Variants in LRP2 observed in about 807,000 individuals in gnomAD.
The protein encoded by LRP2 is LDL receptor related protein 2.
Under a neutral mutation model 531.0 loss-of-function variants are expected in LRP2, and 172 were observed. That is an observed-to-expected ratio of 0.32 (90% CI 0.29 to 0.37). The LOEUF (loss-of-function observed/expected upper bound fraction) is 0.37, where lower values mean the gene tolerates loss of function less well. Ranked by LOEUF, LRP2 falls within the 10% of genes least tolerant of loss-of-function variation. The pLI, the probability that LRP2 is intolerant of heterozygous loss-of-function variation, is 1.00. For synonymous variants in LRP2, 1,992 were observed against 2,027.6 expected (o/e 0.98, Z 0.47); for missense variants, 5,167 against 5,868.3 (o/e 0.88, Z 3.90).
At chr2:169,154,412 C>T (rs980911656) in intron 66 of LRP2, 48 bp downstream of exon 66, 1 of 1,563,996 alleles carries the variant, frequency 6.4e-7, no homozygotes, top group Non-Finnish European at 8.8e-7. Flanking sequence ...CCTTAAAATT[C>T]TATAAAGTCA....
intron 67 of LRP2, among the ~76,000 whole-genome samples, chr2:169,151,736 G>A (rs1482525066): frequency 1.3e-5 from 2 of 152,100 alleles, no homozygotes; most frequent in African/African-American, 4.8e-5. Flanking sequence ...CAAACAAGAA[G>A]ACAGATCTGC....
At chr2:169,313,182 CCGAT>C (rs1351605195) in intron 3 of LRP2, among the ~76,000 whole-genome samples, 1 of 151,730 alleles carries the variant, frequency 6.6e-6, no homozygotes, top group East Asian at 1.9e-4. Context: ...TTTGTTATTA[CCGAT>C]CGTCTGAAGC....
intron 1 of LRP2, among the ~76,000 whole-genome samples, chr2:169,332,930 T>G (rs577680115): frequency 6.6e-6 from 1 of 152,318 alleles, no homozygotes; most frequent in African/African-American, 2.4e-5. Flanking sequence ...ATAACTGAGT[T>G]GCACACACAG....
intron 6 of LRP2, among the ~76,000 whole-genome samples, chr2:169,293,402 G>C (rs1006248349): frequency 6.6e-6 from 1 of 152,168 alleles, no homozygotes; most frequent in East Asian, 1.9e-4. Flanking sequence ...CAGGCTGGGC[G>C]TGGTGGCTCA....
Position 169,201,752 on chromosome 2 carries a change from C to G in LRP2, c.8328G>C (p.Leu2776=), listed in dbSNP as rs776186749. The stretch of plus-strand genomic sequence containing the variant: ...CCGTGGTGGCATTGCAGTCCCTGAA[C>G]AGGCACCCTGCCTCATCACTGCCAT... ...CGDGSDEAGC[L]FRDCNATTEF... The change falls in exon 44 of 79, where the codon CTG becomes CTC. Residue 2776 remains leucine (L), a synonymous_variant. Coordinates refer to ENST00000649046, the MANE Select transcript of LRP2 (RefSeq NM_004525.3). 1.2e-6 allele frequency: 2 copies of G among 1,614,194 alleles called. No homozygotes were observed. The highest frequency in any genetic ancestry group is 1.7e-6 in the Non-Finnish European group (2 of 1,180,028).
In LRP2 at chr2:169,206,015, TG is replaced by T. The variant is rs1275121514; in HGVS notation, c.7556+7del. 1 of 1,614,238 alleles carries T rather than the reference TG, an allele frequency of 6.2e-7. No homozygotes were observed. Among genetic ancestry groups the T allele is most frequent in the Admixed American group, 1.7e-5 (1 of 60,030 alleles). On this transcript the variant is annotated splice_region_variant and intron_variant, in intron 40 of 78. Transcript: ENST00000649046. ...GACAGAAATATAACAAGGAAGATGA[TG>T]GCATACCCTTGGCAGGGATCTAACA...
rs79723119 is a variant in LRP2, at chr2:169,157,394, A to C, written c.11996T>G (p.Val3999Gly). Reference protein sequence around the residue: ...CSCTAGFETNVFDRTSCLDIN... With the variant: ...CSCTAGFETNGFDRTSCLDIN... Reference sequence around the variant, plus strand: ...ACCTAGACAGGAGGTTCTGTCAAAAACATTGGTTTCGAACCCAGCTGTACA... The same window carrying C: ...ACCTAGACAGGAGGTTCTGTCAAAACCATTGGTTTCGAACCCAGCTGTACA... The change falls in exon 64 of 79, where the codon GTT (valine) becomes GGT (glycine). Residue 3999 changes from valine (V) to glycine (G), a missense_variant. Physicochemically the swap from Val to Gly is moderately radical, Grantham distance 109. Around this residue, in one of 6 missense-constraint regions of LRP2, gnomAD observed 564 missense variants for 747.7 expected, o/e 0.75. Transcript: ENST00000649046. 18,107 of 1,613,220 alleles carry C rather than the reference A, an allele frequency of 0.011. 108 individuals carry two copies. Among genetic ancestry groups the C allele is most frequent in the Non-Finnish European group, 0.013 (15,642 of 1,179,414 alleles).
At chr2:169,158,001 G>A (rs1465176434) in intron 63 of LRP2, among the ~76,000 whole-genome samples, 1 of 147,912 alleles carries the variant, frequency 6.8e-6, no homozygotes, top group Non-Finnish European at 1.5e-5. Context: ...TTACAAATAG[G>A]AGGAAATTAT....
chr2:169,225,303 T>A lies in LRP2; in HGVS notation c.5538+7A>T, dbSNP rs748190255. 7 of 1,613,304 alleles carry A rather than the reference T, an allele frequency of 4.3e-6. No homozygotes were observed. Among genetic ancestry groups the A allele is most frequent in the Non-Finnish European group, 5.9e-6 (7 of 1,179,470 alleles). The stretch of plus-strand genomic sequence containing the variant: ...TGTTTGTGTAAGTAGTATTATGGAA[T>A]CATTACCTCGATTGACTGAGTTCTA... On this transcript the variant is annotated splice_region_variant and intron_variant, in intron 33 of 78. Coordinates refer to ENST00000649046, the MANE Select transcript of LRP2 (RefSeq NM_004525.3).
At chr2:169,282,605 G>A (rs1683737036) in intron 10 of LRP2, among the ~76,000 whole-genome samples, 1 of 152,216 alleles carries the variant, frequency 6.6e-6, no homozygotes. Flanking sequence ...AAAGGTGGGT[G>A]ACATGATAGC....
At chr2:169,284,941 G>A (rs1683812444) in intron 9 of LRP2, among the ~76,000 whole-genome samples, 1 of 152,172 alleles carries the variant, frequency 6.6e-6, no homozygotes, top group African/African-American at 2.4e-5. Flanking sequence ...GAAACCAAAG[G>A]TGGAGAAGTC....
chr2:169,225,534 G>A (rs1689172346), intron 32 of LRP2, 81 bp from the exon 33 acceptor site: 2 of 1,489,404 alleles, frequency 1.3e-6, no homozygotes, highest in Non-Finnish European at 1.9e-6. Flanking sequence ...TGTGGCTACT[G>A]CCAGCTGCTG....
chr2:169,293,051 C>T (rs1684041511), intron 6 of LRP2, among the ~76,000 whole-genome samples: 1 of 151,958 alleles, frequency 6.6e-6, no homozygotes, highest in South Asian at 2.1e-4. Context: ...TGAAATAAGC[C>T]CAGGTTCCAG....
At chr2:169,285,542 T>C (rs1412914297) in intron 9 of LRP2, among the ~76,000 whole-genome samples, 1 of 152,180 alleles carries the variant, frequency 6.6e-6, no homozygotes, top group African/African-American at 2.4e-5. Context: ...TCTATTTTTC[T>C]TTCCTTTTTA....
intron 15 of LRP2, among the ~76,000 whole-genome samples, chr2:169,271,945 A>G (rs1683429149): frequency 6.6e-6 from 1 of 152,146 alleles, no homozygotes; most frequent in Non-Finnish European, 1.5e-5. Flanking sequence ...AAGATGAAGG[A>G]GGTATGCCCA....
At chr2:169,176,349 T>G in intron 54 of LRP2, 62 bp downstream of exon 54, 1 of 1,600,104 alleles carries the variant, frequency 6.2e-7, no homozygotes, top group Non-Finnish European at 8.6e-7. Flanking sequence ...CTTGGAGCCT[T>G]GAAGGTCAAT....
chr2:169,303,048 A>G (rs1332983038), intron 4 of LRP2, among the ~76,000 whole-genome samples: 1 of 152,108 alleles, frequency 6.6e-6, no homozygotes, highest in African/African-American at 2.4e-5. Context: ...GAATTATACA[A>G]TGTCTAAGAA....
At position 169,193,890 on chromosome 2, in the gene LRP2, G is replaced by A. The variant is rs1321855185; in HGVS notation, c.8701C>T (p.His2901Tyr). 6 of 1,614,128 alleles carry A rather than the reference G, an allele frequency of 3.7e-6. No individual in the cohort carries two copies. Among genetic ancestry groups the A allele is most frequent in the Non-Finnish European group, 5.1e-6 (6 of 1,180,006 alleles). The part of the protein sequence containing the change: ...DASDEPASCG[H>Y]SERTCLADEF... ...TCAGCTAGGCATGTTCGCTCAGAGT[G>A]ACCTGAAAAGATCAATAGCATTCTC... The change falls in exon 47 of 79, where the codon CAC becomes TAC. Residue 2901 changes from histidine to tyrosine, a missense_variant and splice_region_variant. Physicochemically the swap from His to Tyr is moderately conservative, Grantham distance 83. Around this residue, in one of 6 missense-constraint regions of LRP2, gnomAD observed 1,129 missense variants for 1,362.7 expected, o/e 0.83. Transcript: ENST00000649046.
At chr2:169,158,061 TACACACACACAC>T (rs61381788) in intron 63 of LRP2, among the ~76,000 whole-genome samples, 62 of 141,480 alleles carry the variant, frequency 4.4e-4, no homozygotes, top group Middle Eastern at 3.5e-3. Context: ...ATTGATTATA[TACACACACACAC>T]ACACACACAC....
Sources: gnomAD v4.1 joint callset for allele counts (sites outside exome capture counted in the v4.1 genomes callset) on GRCh38, gnomAD v4.1.1 for gene constraint, gnomAD v4.1.1 regional missense constraint, MANE v1.5 for transcripts, NCBI Gene and HGNC (gene_info 2026-07-23, HGNC 2026-07-21) for gene names.